BAZ2B: variants seen among roughly 807,000 people sequenced by gnomAD.
BAZ2B encodes the protein bromodomain adjacent to zinc finger domain 2B.
A neutral mutation model predicts 246.0 loss-of-function variants in BAZ2B; 91 were observed. The observed-to-expected ratio is 0.37, with a 90% CI of 0.31 to 0.44. BAZ2B has a LOEUF of 0.44. Among genes scored for constraint, BAZ2B ranks in the 20% least tolerant of loss-of-function variants. The probability of loss-of-function intolerance (pLI) is 1.00; values close to 1 mark genes in which losing one functional copy is unlikely to be tolerated. For synonymous variants in BAZ2B, 855 were observed against 860.0 expected, an observed-to-expected ratio of 0.99 and a Z score of 0.10; for missense variants, 2,332 against 2,533.7, an observed-to-expected ratio of 0.92 and a Z score of 1.71.
At chr2:159,608,750 C>A (rs1312493179) in intron 1 of BAZ2B, among the ~76,000 whole-genome samples, 1 of 152,172 alleles carries the variant, frequency 6.6e-6, no homozygotes, top group African/African-American at 2.4e-5. Flanking sequence ...AATGCATCAT[C>A]CTTTAATAAC....
chr2:159,400,170 C>G (rs1437337972), intron 17 of BAZ2B, among the ~76,000 whole-genome samples: 1 of 152,106 alleles, frequency 6.6e-6, no homozygotes, highest in African/African-American at 2.4e-5. Flanking sequence ...GAGGGATATG[C>G]TAGAAACCAG....
At chr2:159,599,494 T>G (rs1691562712) in intron 1 of BAZ2B, among the ~76,000 whole-genome samples, 1 of 152,032 alleles carries the variant, frequency 6.6e-6, no homozygotes, top group Non-Finnish European at 1.5e-5. Context: ...GGTGCATGCC[T>G]GTGATCCCAG....
chr2:159,467,560 C>T (rs964988647), intron 3 of BAZ2B, among the ~76,000 whole-genome samples: 2 of 152,152 alleles, frequency 1.3e-5, no homozygotes, highest in Non-Finnish European at 2.9e-5. Flanking sequence ...ATTCCTTAAC[C>T]AATCATTCTT....
At chr2:159,638,261 T>C in the BAZ2B span, among the ~76,000 whole-genome samples, 1 of 152,204 alleles carries the variant, frequency 6.6e-6, no homozygotes, top group Non-Finnish European at 1.5e-5. Context: ...CTAGAAAGAC[T>C]TCTCAAGAAC....
At chr2:159,586,596 G>A (rs192517288) in intron 1 of BAZ2B, among the ~76,000 whole-genome samples, 2 of 152,072 alleles carry the variant, frequency 1.3e-5, no homozygotes, top group East Asian at 3.9e-4. Context: ...TATTTATCTT[G>A]AACATTAAAA....
At chr2:159,390,650 G>A (rs1449713897) in intron 20 of BAZ2B, among the ~76,000 whole-genome samples, 1 of 152,124 alleles carries the variant, frequency 6.6e-6, no homozygotes, top group East Asian at 1.9e-4. Flanking sequence ...AGAAGAACAT[G>A]GGATCAGAGA....
At chr2:159,652,369 C>G in the BAZ2B span, among the ~76,000 whole-genome samples, 1 of 152,056 alleles carries the variant, frequency 6.6e-6, no homozygotes, top group Non-Finnish European at 1.5e-5. Flanking sequence ...GCCACAACAC[C>G]TGGCTAATTT....
chr2:159,530,947 G>A (rs149616976), intron 2 of BAZ2B, among the ~76,000 whole-genome samples: 101 of 151,948 alleles, frequency 6.6e-4, no homozygotes, highest in African/African-American at 2.2e-3. Context: ...TCTAGCCTGG[G>A]CAACAGAGAC....
At chr2:159,478,536 G>T (rs1457601929) in intron 3 of BAZ2B, 39 bp downstream of exon 3, 9 of 1,562,120 alleles carry the variant, frequency 5.8e-6, no homozygotes, top group Non-Finnish European at 7.8e-6. Context: ...ATTATTAAAA[G>T]AATGGCATTC....
chr2:159,501,139 TTATA>T (rs1490690617), intron 2 of BAZ2B, among the ~76,000 whole-genome samples: 10 of 26,728 alleles, frequency 3.7e-4, no homozygotes, highest in Non-Finnish European at 8.5e-4. Flanking sequence ...TATATATATT[TTATA>T]TATATAATAT....
intron 27 of BAZ2B, among the ~76,000 whole-genome samples, chr2:159,359,525 G>GT (rs1349835029): frequency 6.6e-6 from 1 of 152,112 alleles, no homozygotes; most frequent in East Asian, 1.9e-4. Flanking sequence ...TCTACCAGAG[G>GT]TACAAAAGCG....
intron 3 of BAZ2B, among the ~76,000 whole-genome samples, chr2:159,477,373 A>G (rs1653133339): frequency 6.6e-6 from 1 of 151,902 alleles, no homozygotes; most frequent in Non-Finnish European, 1.5e-5. Context: ...ACACATACAC[A>G]CACATATAGT....
chr2:159,592,307 T>TTTTA (rs915130849), intron 1 of BAZ2B, among the ~76,000 whole-genome samples: 90 of 152,218 alleles, frequency 5.9e-4, no homozygotes, highest in African/African-American at 1.9e-3. Flanking sequence ...GTATCATGAA[T>TTTTA]TTTATTTATT....
chr2:159,676,952 T>TTTTATATATATA, the BAZ2B span, among the ~76,000 whole-genome samples: 1 of 117,828 alleles, frequency 8.5e-6, no homozygotes, highest in South Asian at 3.0e-4. Context: ...AATAGTTTTG[T>TTTTATATATATA]TATATATATA....
chr2:159,691,705 C>T, the BAZ2B span, among the ~76,000 whole-genome samples: 1 of 152,118 alleles, frequency 6.6e-6, no homozygotes. Context: ...GGTATGGATC[C>T]TATAGTGTTA....
chr2:159,614,683 A>AT (rs1422449640), intron 1 of BAZ2B, among the ~76,000 whole-genome samples: 1 of 152,162 alleles, frequency 6.6e-6, no homozygotes, highest in Non-Finnish European at 1.5e-5. Context: ...GTTTTTTACC[A>AT]TTTTTTGCAT....
chr2:159,544,827 G>A (rs1261200346), intron 2 of BAZ2B, among the ~76,000 whole-genome samples: 2 of 152,164 alleles, frequency 1.3e-5, no homozygotes, highest in Non-Finnish European at 2.9e-5. Context: ...GTCGCTAAAG[G>A]AGTGCTTTGA....
intron 2 of BAZ2B, among the ~76,000 whole-genome samples, chr2:159,523,797 A>G (rs1181984227): frequency 6.6e-6 from 1 of 152,174 alleles, no homozygotes; most frequent in East Asian, 1.9e-4. Flanking sequence ...CTGATCTAGT[A>G]CCTAACAATT....
intron 2 of BAZ2B, among the ~76,000 whole-genome samples, chr2:159,501,241 T>A (rs1238115137): frequency 1.1e-5 from 1 of 94,288 alleles, no homozygotes; most frequent in Non-Finnish European, 2.2e-5. Context: ...TATATATATA[T>A]AAAGTAGCTG....
Sources: allele counts gnomAD v4.1 joint callset (sites outside exome capture counted in the v4.1 genomes callset), GRCh38; gene constraint gnomAD v4.1.1; transcripts MANE v1.5; gene names NCBI Gene and HGNC (gene_info 2026-07-23, HGNC 2026-07-21).